Variants in TTLL8 observed in about 807,000 individuals in gnomAD.
TTLL8 encodes the protein tubulin tyrosine ligase like 8.
TTLL8 carries 65 observed loss-of-function variants against 77.8 expected under a neutral mutation model. The ratio of observed to expected loss-of-function variants is 0.84; its 90% CI spans 0.68 to 1.03. TTLL8 has a LOEUF of 1.03. Ranked by LOEUF, TTLL8 falls within the 50% of genes least tolerant of loss-of-function variation. TTLL8 has a pLI of 0.00. For missense variants in TTLL8, 910 were observed against 1,004.5 expected (o/e 0.91, Z 1.27); for synonymous variants, 402 against 422.8 (o/e 0.95, Z 0.60).
chr22:50,029,969 G>A (rs2061274612), intron 12 of TTLL8, among the ~76,000 whole-genome samples: 2 of 150,790 alleles, frequency 1.3e-5, no homozygotes, highest in African/African-American at 4.9e-5. Context: ...GAGCCCGATG[G>A]GGGCCGGGCG....
At chr22:50,040,794 T>A (rs991660364) in intron 8 of TTLL8, among the ~76,000 whole-genome samples, 1 of 152,190 alleles carries the variant, frequency 6.6e-6, no homozygotes, top group Non-Finnish European at 1.5e-5. Context: ...GAAGTCACTT[T>A]CCTGACTTGC....
At chr22:50,057,339 GT>G (rs2061478402), upstream of TTLL8, among the ~76,000 whole-genome samples, 1 of 84,302 alleles carries the variant, frequency 1.2e-5, no homozygotes, top group African/African-American at 6.9e-5. Flanking sequence ...TGGGTTGTGA[GT>G]CAGGTCTGGG....
intron 12 of TTLL8, chr22:50,030,088 A>C: frequency 2.0e-5 from 17 of 857,664 alleles, no homozygotes; most frequent in Non-Finnish European, 2.4e-5. Flanking sequence ...GGTGCTGTTC[A>C]CGGCGCTGTT....
Position 50,041,399 on chromosome 22 carries a change from A to C in TTLL8, c.831-122T>G. 1.1e-6 allele frequency: 1 copy of C among 947,332 alleles called. No homozygotes were observed. The highest frequency in any genetic ancestry group is 1.5e-6 in the Non-Finnish European group (1 of 680,196). 58.7% of individuals were successfully genotyped at this position (947,332 alleles called of 1,614,324 possible). On this transcript the variant is annotated intron_variant, in intron 7 of 13. Transcript: ENST00000266182. The surrounding 1 kb of genome is among the most constrained non-coding windows in gnomAD (Gnocchi z 4.3). ...CCAGACAGACACCCCAATACCCAAC[A>C]AGTATCCCAGACATCCAGACAGACA...
intron 2 of TTLL8, 88 bp downstream of exon 4, chr22:50,050,021 A>T: frequency 7.8e-7 from 1 of 1,288,608 alleles, no homozygotes; most frequent in East Asian, 5.0e-5. Context: ...GCCGAGGGGC[A>T]GGCACCACAC....
At position 50,030,483 on chromosome 22, in the gene TTLL8, A is replaced by C. The variant is rs372129183; in HGVS notation, c.2150T>G (p.Leu717Arg). Reference sequence around the variant, plus strand: ...GCCCTCTGCTGTCTTCAGGCCCCGCAGCACAGGCTCCAGCGGGTGCGCATT... The same window carrying C: ...GCCCTCTGCTGTCTTCAGGCCCCGCCGCACAGGCTCCAGCGGGTGCGCATT... The change falls in exon 12 of 14, where the codon CTG (leucine) becomes CGG (arginine). Residue 717 changes from leucine to arginine, a missense_variant. Physicochemically the swap from Leu to Arg is moderately radical, Grantham distance 102. Coordinates refer to ENST00000266182, the Ensembl canonical transcript of TTLL8. 6 of 1,344,928 alleles carry C rather than the reference A, an allele frequency of 4.5e-6. No individual in the cohort carries two copies. The South Asian group carries it at 7.0e-5, about 16-fold the overall frequency. The allele number at this position is 1,344,928 out of a possible 1,614,324, so 83.3% of individuals were successfully genotyped here. A position where few individuals can be genotyped will look rare whatever the true frequency, so the allele number is the denominator to read the frequency against.
chr22:50,057,497 T>TG (rs1220581371), upstream of TTLL8, among the ~76,000 whole-genome samples: 1 of 32,210 alleles, frequency 3.1e-5, no homozygotes, highest in African/African-American at 1.4e-4. Flanking sequence ...AGGTCTGGGT[T>TG]GGGGTCAGGT....
rs2061370657 is a variant in TTLL8, at chr22:50,041,502, C to T, written c.830+119G>A. The T allele has an allele frequency of 3.3e-6, 4 of 1,215,956 alleles. No homozygotes were observed. The South Asian group carries it at 6.1e-5, about 18-fold the overall frequency. The allele number at this position is 1,215,956 out of a possible 1,614,324, so 75.3% of individuals were successfully genotyped here. A position where few individuals can be genotyped will look rare whatever the true frequency, so the allele number is the denominator to read the frequency against. On this transcript the variant is annotated intron_variant, in intron 7 of 13. Transcript: ENST00000266182. This position sits in a 1 kb window ranked among gnomAD's most constrained non-coding sequence, Gnocchi z 4.3. ...GACAGGCATCTCAACACTCAATACCCCACAGGTAGCCTAATGCCCAGACAG... is the reference window on the plus strand; with the variant it reads ...GACAGGCATCTCAACACTCAATACCTCACAGGTAGCCTAATGCCCAGACAG...
At chr22:50,055,206 TCCCCA>T, upstream of TTLL8, 5 of 1,283,620 alleles carry the variant, frequency 3.9e-6, no homozygotes, top group Non-Finnish European at 5.1e-6. Context: ...AGTGTCCCCC[TCCCCA>T]CCGAGTCCCA....
chr22:50,055,192 A>G (rs887799900), upstream of TTLL8: 1 of 1,277,312 alleles, frequency 7.8e-7, no homozygotes, highest in African/African-American at 1.5e-5. Flanking sequence ...TGTCCTTTTA[A>G]AAAAGTGTCC....
At chr22:50,045,211 C>T (rs371552767) in intron 6 of TTLL8, 44 bp downstream of exon 8, 25 of 1,330,030 alleles carry the variant, frequency 1.9e-5, no homozygotes, top group African/African-American at 1.6e-4. Flanking sequence ...GTGGAGGCCC[C>T]GAGCTCTGGT....
At chr22:50,029,358 A>G (rs13056270) in intron 12 of TTLL8, among the ~76,000 whole-genome samples, 514 of 45,090 alleles carry the variant, frequency 0.011, 13 homozygotes, top group East Asian at 0.029. Flanking sequence ...ACACCGTCCT[A>G]AAGACCCCCA....
chr22:50,057,697 G>A (rs936189434), upstream of TTLL8, among the ~76,000 whole-genome samples: 2 of 143,752 alleles, frequency 1.4e-5, no homozygotes, highest in Non-Finnish European at 3.1e-5. Context: ...GGTCTGGGTC[G>A]GGGTCAGGTC....
chr22:50,021,712 TGTGCACTCCTCCATCTGAC>T (rs2061201765), intron 12 of TTLL8, among the ~76,000 whole-genome samples: 1 of 105,452 alleles, frequency 9.5e-6, no homozygotes, highest in Non-Finnish European at 1.9e-5. Context: ...CATCTGATGA[TGTGCACTCCTCCATCTGAC>T]GTGCACTCCT....
In TTLL8 at chr22:50,047,182, A is replaced by T. The variant is rs776072798; in HGVS notation, c.379T>A (p.Ser127Thr). The T allele has an allele frequency of 2.2e-6, 3 of 1,367,452 alleles. No homozygotes were observed. In the South Asian group the frequency reaches 3.4e-5, roughly 16 times the overall value. 84.7% of individuals were successfully genotyped at this position (1,367,452 alleles called of 1,614,324 possible). Residue 127 changes from serine to threonine, a missense_variant, in exon 4 of 14, where the codon TCC (serine) becomes ACC (threonine). Physicochemically the swap from Ser to Thr is moderately conservative, Grantham distance 58 (BLOSUM62 1). Around this residue, in one of 2 missense-constraint regions of TTLL8, gnomAD observed 776 missense variants for 926.1 expected, o/e 0.84. Transcript: ENST00000266182. Reference sequence around the variant, plus strand: ...GGCCGGCTCACCTTGGTGGTGAAGGAGGCTGTCTTTGCGTAGTGGTTCAGC... The same window carrying T: ...GGCCGGCTCACCTTGGTGGTGAAGGTGGCTGTCTTTGCGTAGTGGTTCAGC...
intron 12 of TTLL8, among the ~76,000 whole-genome samples, chr22:50,029,833 G>A (rs977242503): frequency 2.6e-5 from 4 of 152,306 alleles, no homozygotes; most frequent in African/African-American, 4.8e-5. Flanking sequence ...CCCCCACGCG[G>A]GAGGAACGGC....
chr22:50,030,043 C>A, intron 12 of TTLL8: 1 of 547,396 alleles, frequency 1.8e-6, no homozygotes, highest in Non-Finnish European at 2.3e-6. Context: ...CAAAGCCCCG[C>A]GGTCACTTTG....
At position 50,028,570 on chromosome 22, in the gene TTLL8, ATAAAGACCCCCACCATGCCCTCG is replaced by A. The variant is rs2061246690; in HGVS notation, c.2203+1837_2203+1859del. On this transcript the variant is annotated intron_variant, in intron 12 of 13. Transcript: ENST00000266182. ...GAGGCGGCAACACCTGCGTGCCGTC[ATAAAGACCCCCACCATGCCCTCG>A]TAAAGACCCCCATCACACCGTCCTG... is the stretch of plus-strand genomic sequence containing the variant. 6.0e-5 allele frequency among the ~76,000 whole-genome samples: 9 copies of A among 149,582 alleles called. No homozygotes were observed. In the South Asian group the frequency reaches 1.7e-3, roughly 28 times the overall value.
chr22:50,023,887 G>A (rs998135515), intron 12 of TTLL8, among the ~76,000 whole-genome samples: 4 of 151,968 alleles, frequency 2.6e-5, no homozygotes, highest in East Asian at 3.9e-4. Context: ...GGGCATGGTC[G>A]TGGGCACCTG....
Sources: gnomAD v4.1 joint callset for allele counts (sites outside exome capture counted in the v4.1 genomes callset) on GRCh38, gnomAD v4.1.1 for gene constraint, gnomAD v4.1.1 regional missense constraint, Gnocchi (gnomAD v3.1) non-coding constraint, MANE v1.5 for transcripts, NCBI Gene and HGNC (gene_info 2026-07-23, HGNC 2026-07-21) for gene names.